MARCHF8: variants seen among roughly 807,000 people sequenced by gnomAD.
The protein encoded by MARCHF8 is membrane associated ring-CH-type finger 8.
MARCHF8 carries 40 observed loss-of-function variants against 51.6 expected under a neutral mutation model. The ratio of observed to expected loss-of-function variants is 0.77; its 90% CI spans 0.60 to 1.01. The LOEUF is 1.01. Ranked by LOEUF, MARCHF8 falls within the 50% of genes least tolerant of loss-of-function variation. MARCHF8 has a pLI of 0.00. For missense variants in MARCHF8, 685 were observed against 708.6 expected (o/e 0.97, Z 0.38); for synonymous variants, 263 against 280.3 (o/e 0.94, Z 0.62).
At chr10:45,560,591 C>T (rs2133364340) in intron 1 of MARCHF8, among the ~76,000 whole-genome samples, 1 of 152,066 alleles carries the variant, frequency 6.6e-6, no homozygotes, top group South Asian at 2.1e-4. Context: ...ACAGCACCCT[C>T]CTCGGGGTCT....
At chr10:45,584,705 C>T (rs1407904616) in intron 1 of MARCHF8, among the ~76,000 whole-genome samples, 1 of 151,712 alleles carries the variant, frequency 6.6e-6, no homozygotes, top group Non-Finnish European at 1.5e-5. Context: ...CTAGATTATC[C>T]CAGTGGACCC....
At position 45,580,419 on chromosome 10, in the gene MARCHF8, C is replaced by A. The variant is rs552514577; in HGVS notation, c.-79+13816G>T. On this transcript the variant is annotated intron_variant, in intron 1 of 6. Coordinates refer to the MARCHF8 transcript ENST00000319836. ...TGTCCCAGTCTCCAGTTTATGAGAT[C>A]TCACCCCTCACCATCTGTGAACTAC... 5.3e-5 allele frequency among the ~76,000 whole-genome samples: 8 copies of A among 152,274 alleles called. 1 individual carries two copies. The South Asian group carries it at 1.5e-3, about 28-fold the overall frequency.
At position 45,463,673 on chromosome 10, in the gene MARCHF8, T is replaced by C; in HGVS notation, c.566A>G (p.Asp189Gly). 1 of 1,550,804 alleles carries C rather than the reference T, an allele frequency of 6.4e-7. No individual in the cohort carries two copies. The highest frequency in any genetic ancestry group is 2.4e-5 in the East Asian group (1 of 40,926). The change falls in exon 5 of 8, where the codon GAT becomes GGT. Residue 189 changes from aspartate to glycine, a missense_variant. Transcript: ENST00000453424. ...CSEGKLILPQ[D>G]TCLRTNRFHH... ...AAACCTGTTAGTTCTGAGACACGTA[T>C]CTTGAGGGAGTATTAATTTCCCTTC...
intron 3 of MARCHF8, among the ~76,000 whole-genome samples, chr10:45,485,670 G>A (rs189334971): frequency 6.6e-6 from 1 of 152,304 alleles, no homozygotes; most frequent in East Asian, 1.9e-4. Context: ...GGAATACTAG[G>A]AGGCATGATT....
intron 1 of MARCHF8, among the ~76,000 whole-genome samples, chr10:45,575,969 C>T (rs1396655973): frequency 6.6e-6 from 1 of 152,200 alleles, no homozygotes; most frequent in Non-Finnish European, 1.5e-5. Context: ...AATGGCCCCA[C>T]CCCTTTCTCC....
intron 5 of MARCHF8, 145 bp downstream of exon 5, chr10:45,463,006 C>T: frequency 9.6e-7 from 1 of 1,040,430 alleles, no homozygotes; most frequent in Non-Finnish European, 1.4e-6. Flanking sequence ...GATATTGATA[C>T]TCCATTCTTC....
intron 3 of MARCHF8, among the ~76,000 whole-genome samples, chr10:45,471,996 TCTGGCCAGCC>T (rs1486178461): frequency 6.6e-6 from 1 of 152,224 alleles, no homozygotes; most frequent in East Asian, 1.9e-4. Context: ...AGGCTACTCA[TCTGGCCAGCC>T]CTGGCCCAAG....
chr10:45,566,748 CT>C (rs772027200), intron 1 of MARCHF8, among the ~76,000 whole-genome samples: 31 of 90,830 alleles, frequency 3.4e-4, no homozygotes, highest in Non-Finnish European at 5.2e-4. Flanking sequence ...GCAGGTATCT[CT>C]TTGATATATT....
At chr10:45,472,368 A>G (rs1296132488) in intron 3 of MARCHF8, among the ~76,000 whole-genome samples, 2 of 152,338 alleles carry the variant, frequency 1.3e-5, no homozygotes, top group Non-Finnish European at 2.9e-5. Context: ...TGTTTAGGGA[A>G]CATTTGCTCA....
At chr10:45,479,442 T>G (rs1014304620) in intron 3 of MARCHF8, among the ~76,000 whole-genome samples, 2 of 152,194 alleles carry the variant, frequency 1.3e-5, no homozygotes, top group Non-Finnish European at 2.9e-5. Context: ...TGGAACAAGA[T>G]AAGAATGCCC....
At chr10:45,573,063 C>G (rs1431953965) in intron 1 of MARCHF8, among the ~76,000 whole-genome samples, 3 of 152,104 alleles carry the variant, frequency 2.0e-5, no homozygotes, top group Non-Finnish European at 4.4e-5. Context: ...TTTTCTTTAT[C>G]GGACCTCTCC....
intron 2 of MARCHF8, among the ~76,000 whole-genome samples, chr10:45,526,426 C>T (rs180994924): frequency 2.6e-5 from 4 of 152,240 alleles, no homozygotes; most frequent in Admixed American, 1.3e-4. Flanking sequence ...TCGCAGGTCT[C>T]CAGCCTAATA....
chr10:45,469,864 CAAAAAAAAAAA>C (rs55832920), intron 3 of MARCHF8, among the ~76,000 whole-genome samples: 14 of 57,036 alleles, frequency 2.5e-4, no homozygotes, highest in Admixed American at 8.9e-4. Context: ...GACTCCGTCT[CAAAAAAAAAAA>C]AAAAAAAAAA....
At chr10:45,474,557 C>T (rs530735988) in intron 3 of MARCHF8, among the ~76,000 whole-genome samples, 2 of 152,184 alleles carry the variant, frequency 1.3e-5, no homozygotes, top group South Asian at 4.1e-4. Context: ...GAAGAACATG[C>T]TTTTTAATAG....
At chr10:45,577,282 G>C (rs1192548142) in intron 1 of MARCHF8, among the ~76,000 whole-genome samples, 1 of 152,028 alleles carries the variant, frequency 6.6e-6, no homozygotes, top group East Asian at 1.9e-4. Context: ...AAAAAAAATT[G>C]AAAGGATGAA....
chr10:45,547,224 T>A lies in MARCHF8; in HGVS notation c.-78-13935A>T, dbSNP rs1050748666. 3.2e-4 allele frequency among the ~76,000 whole-genome samples: 48 copies of A among 152,202 alleles called. 1 individual carries two copies. The highest frequency in any genetic ancestry group is 1.0e-3 in the African/African-American group (43 of 41,454). ...AAGAAACTAAAAAGTATAAAAATAC[T>A]GCCTGTCAATAATAATGGAGGAAAA... On this transcript the variant is annotated intron_variant, in intron 1 of 6. Transcript: ENST00000319836.
intron 1 of MARCHF8, among the ~76,000 whole-genome samples, chr10:45,575,082 C>A (rs1199658254): frequency 1.3e-5 from 2 of 152,110 alleles, no homozygotes; most frequent in African/African-American, 4.8e-5. Context: ...TCATTCACTG[C>A]AAGGGCCATC....
upstream of MARCHF8, among the ~76,000 whole-genome samples, chr10:45,538,747 A>C (rs2044009535): frequency 6.6e-6 from 1 of 152,254 alleles, no homozygotes; most frequent in Non-Finnish European, 1.5e-5. Context: ...TAAAGGGATC[A>C]ATTCAACAAG....
upstream of MARCHF8, among the ~76,000 whole-genome samples, chr10:45,538,867 G>C (rs1245213537): frequency 5.3e-5 from 8 of 152,216 alleles, no homozygotes; most frequent in South Asian, 8.3e-4. Context: ...CAGTAATAAT[G>C]GGAAAGTTTT....
Sources: gnomAD v4.1 joint callset for allele counts (sites outside exome capture counted in the v4.1 genomes callset) on GRCh38, gnomAD v4.1.1 for gene constraint, MANE v1.5 for transcripts, NCBI Gene and HGNC (gene_info 2026-07-23, HGNC 2026-07-21) for gene names.